The following TXK variants were observed in gnomAD, a reference collection of about 807,000 sequenced individuals.
The protein encoded by TXK is TXK tyrosine kinase.
In TXK, 60 loss-of-function variants were observed where a neutral mutation model predicts 81.0. That is an observed-to-expected ratio of 0.74 (90% CI 0.60 to 0.92). The LOEUF (loss-of-function observed/expected upper bound fraction) is 0.92, where lower values mean the gene tolerates loss of function less well. Ranked by LOEUF, TXK falls within the 40% of genes least tolerant of loss-of-function variation. The pLI, the probability that TXK is intolerant of heterozygous loss-of-function variation, is 0.00. For missense variants in TXK, 581 were observed against 638.3 expected (o/e 0.91, Z 0.97); for synonymous variants, 203 against 210.7 (o/e 0.96, Z 0.32).
chr4:48,070,092 T>A (rs1271945457), intron 14 of TXK, among the ~76,000 whole-genome samples: 2 of 152,162 alleles, frequency 1.3e-5, no homozygotes, highest in Non-Finnish European at 2.9e-5. Context: ...TATTCTAGTG[T>A]TTGTGGATTG....
At chr4:48,115,156 G>A (rs1023845945) in intron 1 of TXK, among the ~76,000 whole-genome samples, 1 of 151,726 alleles carries the variant, frequency 6.6e-6, no homozygotes, top group Non-Finnish European at 1.5e-5. Context: ...TAGATTTTAA[G>A]CCCCGCATGC....
chr4:48,072,270 T>C (rs1335728419), intron 13 of TXK, among the ~76,000 whole-genome samples: 2 of 152,230 alleles, frequency 1.3e-5, no homozygotes, highest in Non-Finnish European at 2.9e-5. Flanking sequence ...CCCAAAGTGC[T>C]GGAATTACAA....
chr4:48,102,960 A>G (rs1718256774), intron 6 of TXK, among the ~76,000 whole-genome samples: 2 of 152,222 alleles, frequency 1.3e-5, no homozygotes, highest in Admixed American at 1.3e-4. Flanking sequence ...AAACAGGAAC[A>G]TACCCTTCTA....
intron 1 of TXK, among the ~76,000 whole-genome samples, chr4:48,119,066 G>A (rs866963724): frequency 2.6e-5 from 4 of 152,180 alleles, no homozygotes; most frequent in Admixed American, 1.3e-4. Context: ...GGAGATGAAT[G>A]ATCTGCTGTT....
chr4:48,112,300 G>T lies in TXK; in HGVS notation c.380+7C>A. On this transcript the variant is annotated splice_region_variant and intron_variant, in intron 4 of 14. Coordinates refer to ENST00000264316, the MANE Select transcript of TXK (RefSeq NM_003328.3). Reference sequence around the variant, plus strand: ...TGGATACTGACTAAGTCATGTAAGTGTCTTACCCCAAACGGTCTCTTGCCT... The same window carrying T: ...TGGATACTGACTAAGTCATGTAAGTTTCTTACCCCAAACGGTCTCTTGCCT... 6.2e-7 allele frequency: 1 copy of T among 1,613,624 alleles called. No homozygotes were observed. Among genetic ancestry groups the T allele is most frequent in the South Asian group, 1.1e-5 (1 of 91,064 alleles).
chr4:48,076,445 T>C lies in TXK; in HGVS notation c.1195A>G (p.Ser399Gly), dbSNP rs1257822877. Residue 399 changes from serine (S) to glycine (G), a missense_variant, in exon 12 of 15, where the codon AGT (serine) becomes GGT (glycine). Transcript: ENST00000264316. ...RDLAARNCLV[S>G]STCIVKISDF... The stretch of plus-strand genomic sequence containing the variant: ...GAAATTTTTACTATGCATGTTGAAC[T>C]GACCAAACAATTCCTTGCCGCCTAT... 22 of 1,613,136 alleles carry C rather than the reference T, an allele frequency of 1.4e-5. No individual in the cohort carries two copies. Among genetic ancestry groups the C allele is most frequent in the Non-Finnish European group, 1.8e-5 (21 of 1,179,696 alleles).
intron 13 of TXK, among the ~76,000 whole-genome samples, chr4:48,073,517 G>C (rs1716945851): frequency 6.6e-6 from 1 of 152,136 alleles, no homozygotes; most frequent in African/African-American, 2.4e-5. Context: ...TTAAACTCAG[G>C]TTTTAAGTTC....
intron 2 of TXK, 85 bp from the exon 3 acceptor site, chr4:48,113,394 G>GA (rs1273670753): frequency 1.2e-5 from 13 of 1,043,926 alleles, no homozygotes; most frequent in Admixed American, 4.2e-5. Flanking sequence ...AGAAATAGCA[G>GA]AAAAATCCAG....
intron 10 of TXK, 171 bp from the exon 11 acceptor site, chr4:48,080,299 A>C: frequency 3.2e-6 from 2 of 615,602 alleles, no homozygotes; most frequent in South Asian, 3.9e-5. Context: ...TAATGCACTG[A>C]GAATGTGGGG....
At chr4:48,087,419 G>A (rs981408662) in intron 9 of TXK, among the ~76,000 whole-genome samples, 9 of 151,498 alleles carry the variant, frequency 5.9e-5, no homozygotes, top group African/African-American at 2.2e-4. Flanking sequence ...TAGAAGGTAT[G>A]TTTTATTTTA....
intron 1 of TXK, among the ~76,000 whole-genome samples, chr4:48,115,645 G>A (rs1249616203): frequency 6.6e-6 from 1 of 152,062 alleles, no homozygotes; most frequent in Non-Finnish European, 1.5e-5. Flanking sequence ...CCAGGAGTTC[G>A]AGATCAGCCT....
At chr4:48,099,966 C>T (rs1718124837) in intron 6 of TXK, among the ~76,000 whole-genome samples, 2 of 151,720 alleles carry the variant, frequency 1.3e-5, no homozygotes, top group South Asian at 2.1e-4. Flanking sequence ...GGGCGGATCA[C>T]GAGGTCAGGA....
chr4:48,107,605 T>C (rs571918717), intron 5 of TXK, among the ~76,000 whole-genome samples: 1 of 152,206 alleles, frequency 6.6e-6, no homozygotes, highest in South Asian at 2.1e-4. Context: ...GTTTGTTACA[T>C]AGGTAGATGT....
intron 6 of TXK, among the ~76,000 whole-genome samples, chr4:48,104,243 T>A (rs13111345): frequency 2.0e-4 from 10 of 49,402 alleles, no homozygotes; most frequent in South Asian, 4.7e-4. Context: ...TTATATATAA[T>A]ATATATTTTA....
chr4:48,071,563 A>T lies in TXK; in HGVS notation c.1469T>A (p.Leu490Gln). The T allele has an allele frequency of 6.2e-7, 1 of 1,614,174 alleles. No homozygotes were observed. The highest frequency in any genetic ancestry group is 8.5e-7 in the Non-Finnish European group (1 of 1,180,012). ...SEGFRLYRPH[L>Q]APMSIYEVMY... The stretch of plus-strand genomic sequence containing the variant: ...GACTTCATATATGGACATTGGTGCC[A>T]GGTGAGGGCGATATAGCCTGAAGCC... Residue 490 changes from leucine (L) to glutamine (Q), a missense_variant, in exon 14 of 15, where the codon CTG (leucine) becomes CAG (glutamine). By Grantham distance (113) the Leu-to-Gln change is moderately radical. Transcript: ENST00000264316.
chr4:48,124,630 A>C (rs1021090026), intron 1 of TXK, among the ~76,000 whole-genome samples: 6 of 152,066 alleles, frequency 3.9e-5, no homozygotes, highest in Non-Finnish European at 8.8e-5. Flanking sequence ...AGAGAAAGCT[A>C]AGCTGACCGT....
intron 1 of TXK, among the ~76,000 whole-genome samples, chr4:48,131,187 T>A (rs925763577): frequency 6.6e-6 from 1 of 152,092 alleles, no homozygotes; most frequent in African/African-American, 2.4e-5. Flanking sequence ...AAATCTCCCA[T>A]CAGTATGATC....
intron 8 of TXK, among the ~76,000 whole-genome samples, chr4:48,093,050 T>C (rs1717838304): frequency 6.6e-6 from 1 of 152,182 alleles, no homozygotes; most frequent in Admixed American, 6.5e-5. Flanking sequence ...TCTTTTTTCT[T>C]TGGAGGAAGG....
intron 10 of TXK, among the ~76,000 whole-genome samples, chr4:48,081,446 C>T (rs1717295248): frequency 6.6e-6 from 1 of 152,128 alleles, no homozygotes; most frequent in Non-Finnish European, 1.5e-5. Context: ...AATGGAAAAT[C>T]TACATTCTTG....
Sources: allele counts gnomAD v4.1 joint callset (sites outside exome capture counted in the v4.1 genomes callset), GRCh38; gene constraint gnomAD v4.1.1; transcripts MANE v1.5; gene names NCBI Gene and HGNC (gene_info 2026-07-23, HGNC 2026-07-21).